The following AGPAT4 variants were observed in gnomAD, a reference collection of about 807,000 sequenced individuals.
AGPAT4 encodes the protein 1-acylglycerol-3-phosphate O-acyltransferase 4.
Under a neutral mutation model 48.0 loss-of-function variants are expected in AGPAT4, and 15 were observed. The observed-to-expected ratio is 0.31, with a 90% CI of 0.21 to 0.48. AGPAT4 has a LOEUF of 0.48. Among genes scored for constraint, AGPAT4 ranks in the 20% least tolerant of loss-of-function variants. The pLI, the probability that AGPAT4 is intolerant of heterozygous loss-of-function variation, is 0.99. For synonymous variants in AGPAT4, 178 were observed against 198.7 expected (o/e 0.90, Z 0.88); for missense variants, 314 against 482.5 (o/e 0.65, Z 3.27).
Position 161,137,754 on chromosome 6 carries a change from C to T in AGPAT4, c.1043-1120G>A, listed in dbSNP as rs1284478538. Among the ~76,000 whole-genome samples, 2 of 152,118 alleles carry T rather than the reference C, an allele frequency of 1.3e-5. No individual in the cohort carries two copies. Among genetic ancestry groups the T allele is most frequent in the Non-Finnish European group, 2.9e-5 (2 of 68,012 alleles). ...TGCTCCTGGAGACGCCGTGTCCACA[C>T]TGCACCCCTCAGATGCTCCTGAAGA... On this transcript the variant is annotated intron_variant, in intron 8 of 8. Transcript: ENST00000320285. The surrounding 1 kb of genome is among the most constrained non-coding windows in gnomAD (Gnocchi z 6.1).
In AGPAT4 at chr6:161,243,711, C is replaced by A. The variant is rs9458167; in HGVS notation, c.-89-11409G>T. On this transcript the variant is annotated intron_variant, in intron 1 of 8. Coordinates refer to ENST00000320285, the MANE Select transcript of AGPAT4 (RefSeq NM_020133.3). This position sits in a 1 kb window ranked among gnomAD's most constrained non-coding sequence, Gnocchi z 4.8. ...TCTCTCCCGGGCTGACCGGTCTCCT[C>A]CTTCCCTTGACCCCTTCTCCCTGGC... is the stretch of plus-strand genomic sequence containing the variant. Among the ~76,000 whole-genome samples, 667 of 152,302 alleles carry A rather than the reference C, an allele frequency of 4.4e-3. 3 individuals are homozygous for A. Among genetic ancestry groups the A allele is most frequent in the Non-Finnish European group, 7.6e-3 (515 of 68,028 alleles).
intron 2 of AGPAT4, among the ~76,000 whole-genome samples, chr6:161,205,692 G>A (rs972682771): frequency 1.6e-3 from 1 of 620 alleles, no homozygotes; most frequent in African/African-American, 8.6e-3. Flanking sequence ...AAAACACCAA[G>A]TTGAAACAGA....
At chr6:161,186,682 C>A (rs1468743219) in intron 2 of AGPAT4, among the ~76,000 whole-genome samples, 1 of 152,100 alleles carries the variant, frequency 6.6e-6, no homozygotes, top group African/African-American at 2.4e-5. Context: ...ACTGCAGGCT[C>A]CCCAGCAAGC....
At chr6:161,247,981 C>CAAAAAAAA (rs143168079) in intron 1 of AGPAT4, among the ~76,000 whole-genome samples, 4 of 28,212 alleles carry the variant, frequency 1.4e-4, no homozygotes, top group African/African-American at 6.1e-4. Context: ...GACTCTGTCT[C>CAAAAAAAA]AAAAAAAAAA....
In AGPAT4 at chr6:161,251,054, G is replaced by T. The variant is rs571473806; in HGVS notation, c.-89-18752C>A. ...TTAGCTTATTGGAGGTTTAAATTAC[G>T]ATGAAGTAAGAACTGTAATTTCTTT... On this transcript the variant is annotated intron_variant, in intron 1 of 8. Coordinates refer to ENST00000320285, the MANE Select transcript of AGPAT4 (RefSeq NM_020133.3). This position sits in a 1 kb window ranked among gnomAD's most constrained non-coding sequence, Gnocchi z 4.6. Among the ~76,000 whole-genome samples the T allele has an allele frequency of 1.3e-5, 2 of 152,092 alleles. No individual in the cohort carries two copies. Among genetic ancestry groups the T allele is most frequent in the Non-Finnish European group, 2.9e-5 (2 of 68,008 alleles).
chr6:161,243,322 G>T lies in AGPAT4; in HGVS notation c.-89-11020C>A, dbSNP rs533038908. On this transcript the variant is annotated intron_variant, in intron 1 of 8. Transcript: ENST00000320285. This position sits in a 1 kb window ranked among gnomAD's most constrained non-coding sequence, Gnocchi z 4.8. The stretch of plus-strand genomic sequence containing the variant: ...GGCCGGCAGAAGCAGGCGTGAGGTG[G>T]CTGGCATCCCCAGCCGGCACTAAAA... Among the ~76,000 whole-genome samples the T allele has an allele frequency of 6.6e-6, 1 of 152,062 alleles. No individual in the cohort carries two copies. The highest frequency in any genetic ancestry group is 2.1e-4 in the South Asian group (1 of 4,820).
chr6:161,232,406 A>G lies in AGPAT4; in HGVS notation c.-89-104T>C. The stretch of plus-strand genomic sequence containing the variant: ...AAAATATACACTTGAGGTTAAACTC[A>G]TGTGCGTTAGTTGATTTATCTTTAT... On this transcript the variant is annotated intron_variant, in intron 1 of 8. Transcript: ENST00000320285. This position sits in a 1 kb window ranked among gnomAD's most constrained non-coding sequence, Gnocchi z 6.8. 2 of 564,988 alleles carry G rather than the reference A, an allele frequency of 3.5e-6. No individual in the cohort carries two copies. The highest frequency in any genetic ancestry group is 6.2e-6 in the Non-Finnish European group (2 of 320,950). The allele number at this position is 564,988 out of a possible 1,614,324, so 35.0% of individuals were successfully genotyped here. A position where few individuals can be genotyped will look rare whatever the true frequency, so the allele number is the denominator to read the frequency against.
intron 2 of AGPAT4, among the ~76,000 whole-genome samples, chr6:161,182,977 A>G (rs1780643964): frequency 6.6e-6 from 1 of 152,206 alleles, no homozygotes. Context: ...AGTGAGGATA[A>G]CAAGAGGCAG....
At position 161,140,793 on chromosome 6, in the gene AGPAT4, G is replaced by C. The variant is rs1463533835; in HGVS notation, c.844-1173C>G. 6.6e-6 allele frequency among the ~76,000 whole-genome samples: 1 copy of C among 152,220 alleles called. No homozygotes were observed. Among genetic ancestry groups the C allele is most frequent in the Non-Finnish European group, 1.5e-5 (1 of 68,034 alleles). Reference sequence around the variant, plus strand: ...CAGAGCTGAACCAGGCAGCCACAGGGAATTGCCCAGGTTGTATGGTGGGCA... The same window carrying C: ...CAGAGCTGAACCAGGCAGCCACAGGCAATTGCCCAGGTTGTATGGTGGGCA... On this transcript the variant is annotated intron_variant, in intron 7 of 8. Transcript: ENST00000320285. The surrounding 1 kb of genome is among the most constrained non-coding windows in gnomAD (Gnocchi z 6.5).
chr6:161,138,957 G>A lies in AGPAT4; in HGVS notation c.1042+465C>T, dbSNP rs1254347453. Among the ~76,000 whole-genome samples the A allele has an allele frequency of 6.6e-6, 1 of 152,092 alleles. No homozygotes were observed. Among genetic ancestry groups the A allele is most frequent in the African/African-American group, 2.4e-5 (1 of 41,424 alleles). ...CAGACCCATGAAAAGCTCTGTCGCC[G>A]AGTGTCTCCACTCAGTGTCATCCAC... On this transcript the variant is annotated intron_variant, in intron 8 of 8. Coordinates refer to ENST00000320285, the MANE Select transcript of AGPAT4 (RefSeq NM_020133.3). This position sits in a 1 kb window ranked among gnomAD's most constrained non-coding sequence, Gnocchi z 4.8.
intron 1 of AGPAT4, among the ~76,000 whole-genome samples, chr6:161,253,204 C>T (rs1468701464): frequency 6.7e-6 from 1 of 150,102 alleles, no homozygotes; most frequent in Non-Finnish European, 1.5e-5. Flanking sequence ...CAGAGCTAGA[C>T]TCCAACTCAA....
rs1001869180 is a variant in AGPAT4, at chr6:161,138,532, G to A, written c.1042+890C>T. Among the ~76,000 whole-genome samples the A allele has an allele frequency of 6.6e-6, 1 of 152,180 alleles. No homozygotes were observed. The highest frequency in any genetic ancestry group is 2.4e-5 in the African/African-American group (1 of 41,438). ...CAAATTGTCATTAACGATTATCTGG[G>A]AAGTGGGCTCAATGGGAATGGTCTC... On this transcript the variant is annotated intron_variant, in intron 8 of 8. Transcript: ENST00000320285. This position sits in a 1 kb window ranked among gnomAD's most constrained non-coding sequence, Gnocchi z 4.8.
rs1470336510 is a variant in AGPAT4 at position 161,154,540 on chromosome 6, C to A, written c.349-230G>T. Among the ~76,000 whole-genome samples the A allele has an allele frequency of 6.6e-6, 1 of 152,092 alleles. No homozygotes were observed. Among genetic ancestry groups the A allele is most frequent in the Non-Finnish European group, 1.5e-5 (1 of 68,008 alleles). ...AGTGTGGGAGCAGGGGGCAGGGGCACCCTGGTTCTCAGCGCAGACGGCAGG... is the reference window on the plus strand; with the variant it reads ...AGTGTGGGAGCAGGGGGCAGGGGCAACCTGGTTCTCAGCGCAGACGGCAGG... On this transcript the variant is annotated intron_variant, in intron 3 of 8. Coordinates refer to ENST00000320285, the MANE Select transcript of AGPAT4 (RefSeq NM_020133.3). This position sits in a 1 kb window ranked among gnomAD's most constrained non-coding sequence, Gnocchi z 7.8.
rs907363850 is a variant in AGPAT4 at position 161,196,808 on chromosome 6, C to A, written c.179-30391G>T. On this transcript the variant is annotated intron_variant, in intron 2 of 8. Coordinates refer to ENST00000320285, the MANE Select transcript of AGPAT4 (RefSeq NM_020133.3). The surrounding 1 kb of genome is among the most constrained non-coding windows in gnomAD (Gnocchi z 4.3). ...TAGGCAACAGAGAAAGACTCTATCT[C>A]CCCCCGCCAAAAAAAAAAAAAAAAT... Among the ~76,000 whole-genome samples the A allele has an allele frequency of 2.0e-5, 3 of 147,648 alleles. No homozygotes were observed. Among genetic ancestry groups the A allele is most frequent in the Non-Finnish European group, 3.0e-5 (2 of 67,216 alleles).
At chr6:161,247,668 A>G (rs1782691656) in intron 1 of AGPAT4, among the ~76,000 whole-genome samples, 1 of 152,194 alleles carries the variant, frequency 6.6e-6, no homozygotes, top group East Asian at 1.9e-4. Flanking sequence ...GCCCTCTCTC[A>G]CCACGCCTAT....
At position 161,262,008 on chromosome 6, in the gene AGPAT4, G is replaced by A. The variant is rs1783117282; in HGVS notation, c.-90+11930C>T. Among the ~76,000 whole-genome samples, 1 of 152,178 alleles carries A rather than the reference G, an allele frequency of 6.6e-6. No individual in the cohort carries two copies. The highest frequency in any genetic ancestry group is 1.5e-5 in the Non-Finnish European group (1 of 68,026). On this transcript the variant is annotated intron_variant, in intron 1 of 8. Coordinates refer to ENST00000320285, the MANE Select transcript of AGPAT4 (RefSeq NM_020133.3). The surrounding 1 kb of genome is among the most constrained non-coding windows in gnomAD (Gnocchi z 4.9). ...GAAGAGTTCCTAGTCGAGGGCTGGT[G>A]GTGAGGATTATCCGTAGACCTTTGC...
chr6:161,147,577 C>T lies in AGPAT4; in HGVS notation c.768-978G>A, dbSNP rs982422894. Among the ~76,000 whole-genome samples the T allele has an allele frequency of 3.3e-5, 5 of 152,188 alleles. No homozygotes were observed. Among genetic ancestry groups the T allele is most frequent in the Non-Finnish European group, 7.3e-5 (5 of 68,030 alleles). ...CCATCTTATAACAGATTACAATGAG[C>T]CACTTCCTTTTCAAGGCAGTATTGT... On this transcript the variant is annotated intron_variant, in intron 6 of 8. Coordinates refer to ENST00000320285, the MANE Select transcript of AGPAT4 (RefSeq NM_020133.3). The surrounding 1 kb of genome is among the most constrained non-coding windows in gnomAD (Gnocchi z 4.8).
rs139272485 is a variant in AGPAT4 at position 161,131,434 on chromosome 6, A to G, written c.*5106T>C. On this transcript the variant is annotated 3_prime_UTR_variant, in exon 9 of 9. Coordinates refer to ENST00000320285, the MANE Select transcript of AGPAT4 (RefSeq NM_020133.3). ...AAATATTGACTGTACAAATTACTCAAGTTTATTTTGGCCTAATTATTCTTA... is the reference window on the plus strand; with the variant it reads ...AAATATTGACTGTACAAATTACTCAGGTTTATTTTGGCCTAATTATTCTTA... The G allele has an allele frequency of 5.9e-5, 9 of 152,712 alleles. No homozygotes were observed. The highest frequency in any genetic ancestry group is 1.9e-4 in the African/African-American group (8 of 41,578). The allele number at this position is 152,712 out of a possible 1,614,324, so 9.5% of individuals were successfully genotyped here. A position where few individuals can be genotyped will look rare whatever the true frequency, so the allele number is the denominator to read the frequency against.
rs1298812728 is a variant in AGPAT4, at chr6:161,141,780, C to T, written c.844-2160G>A. ...TGTTTCCAGAAAGACATTTGCTAGG[C>T]CAAGATTGTTTTATTTGCACCTCTA... On this transcript the variant is annotated intron_variant, in intron 7 of 8. Transcript: ENST00000320285. This position sits in a 1 kb window ranked among gnomAD's most constrained non-coding sequence, Gnocchi z 6.7. 1.3e-5 allele frequency among the ~76,000 whole-genome samples: 2 copies of T among 152,140 alleles called. No homozygotes were observed. The highest frequency in any genetic ancestry group is 6.5e-5 in the Admixed American group (1 of 15,276).
Sources: allele counts gnomAD v4.1 joint callset (sites outside exome capture counted in the v4.1 genomes callset), GRCh38; gene constraint gnomAD v4.1.1; non-coding constraint Gnocchi (gnomAD v3.1); transcripts MANE v1.5; gene names NCBI Gene and HGNC (gene_info 2026-07-23, HGNC 2026-07-21).